PCGF3: variants seen among roughly 807,000 people sequenced by gnomAD.
PCGF3 encodes polycomb group RING finger protein 3.
PCGF3 carries 7 observed loss-of-function variants against 33.1 expected under a neutral mutation model. The ratio of observed to expected loss-of-function variants is 0.21; its 90% CI spans 0.12 to 0.40. The LOEUF (loss-of-function observed/expected upper bound fraction) is 0.40, where lower values mean the gene tolerates loss of function less well. Ranked by LOEUF, PCGF3 falls within the 10% of genes least tolerant of loss-of-function variation. The pLI, the probability that PCGF3 is intolerant of heterozygous loss-of-function variation, is 1.00. For synonymous variants in PCGF3, 153 were observed against 121.3 expected (o/e 1.26, Z -1.72); for missense variants, 211 against 313.3 (o/e 0.67, Z 2.46).
intron 8 of PCGF3, among the ~76,000 whole-genome samples, chr4:758,760 G>C (rs1256828205): frequency 8.5e-5 from 1 of 11,802 alleles, no homozygotes; most frequent in African/African-American, 2.1e-4. Context: ...AGCTCTTCTT[G>C]CTCCGGACTC....
In PCGF3 at chr4:720,855, C is replaced by T. The variant is rs888860032; in HGVS notation, c.-189-9775C>T. Among the ~76,000 whole-genome samples, 1 of 152,178 alleles carries T rather than the reference C, an allele frequency of 6.6e-6. No homozygotes were observed. Among genetic ancestry groups the T allele is most frequent in the Admixed American group, 6.5e-5 (1 of 15,278 alleles). ...TCAGGAGGACATGTCAGACTTCTGT[C>T]TCTAAGATACTGCTCAGACTTGTGT... is the stretch of plus-strand genomic sequence containing the variant. On this transcript the variant is annotated intron_variant, in intron 1 of 10. Transcript: ENST00000362003. The surrounding 1 kb of genome is among the most constrained non-coding windows in gnomAD (Gnocchi z 5.6).
intron 8 of PCGF3, among the ~76,000 whole-genome samples, chr4:747,871 C>T (rs1043355946): frequency 4.7e-5 from 5 of 105,650 alleles, no homozygotes; most frequent in Non-Finnish European, 1.0e-4. Context: ...CTCCCGACTT[C>T]TTCCTTTTTC....
intron 1 of PCGF3, among the ~76,000 whole-genome samples, chr4:717,440 C>G (rs948513287): frequency 6.6e-6 from 1 of 152,080 alleles, no homozygotes; most frequent in Non-Finnish European, 1.5e-5. Flanking sequence ...AGTGCAGTGG[C>G]AGGGTCTCGG....
chr4:761,985 G>T, intron 9 of PCGF3: 15 of 985,394 alleles, frequency 1.5e-5, no homozygotes, highest in Non-Finnish European at 1.8e-5. Flanking sequence ...AATCGCTCAG[G>T]CTGTGCAGAA....
At chr4:769,490 A>C (rs1187733879) in exon 11 of PCGF3, 4 of 152,724 alleles carry the variant, frequency 2.6e-5, no homozygotes, top group Admixed American at 1.3e-4. Flanking sequence ...TGACCTTAAC[A>C]TGATCAATGT....
exon 11 of PCGF3, chr4:766,389 C>T (rs955443769): frequency 7.5e-6 from 2 of 267,878 alleles, no homozygotes; most frequent in Non-Finnish European, 1.4e-5. Flanking sequence ...CACGAGCTCC[C>T]TCTGCTTGCT....
intron 6 of PCGF3, among the ~76,000 whole-genome samples, chr4:741,827 A>G (rs543035116): frequency 3.9e-5 from 6 of 152,260 alleles, no homozygotes; most frequent in Non-Finnish European, 7.4e-5. Flanking sequence ...CAGGGTCTGA[A>G]GCTGAGTTGC....
intron 4 of PCGF3, chr4:734,686 C>T: frequency 7.6e-7 from 1 of 1,313,628 alleles, no homozygotes. Flanking sequence ...AAGTTTTTTT[C>T]CCACTTAATT....
intron 7 of PCGF3, 46 bp downstream of exon 7, chr4:743,630 A>T: frequency 8.9e-7 from 1 of 1,122,728 alleles, no homozygotes; most frequent in Non-Finnish European, 1.4e-6. Flanking sequence ...AATCCCCTGC[A>T]TGAGGCCTTT....
chr4:752,425 C>G (rs558772398), intron 8 of PCGF3, among the ~76,000 whole-genome samples: 1 of 152,360 alleles, frequency 6.6e-6, no homozygotes, highest in Admixed American at 6.5e-5. Flanking sequence ...TTTCTGGAGC[C>G]TGACTTCTTT....
chr4:724,604 A>T (rs1178616191), intron 1 of PCGF3, among the ~76,000 whole-genome samples: 1 of 152,224 alleles, frequency 6.6e-6, no homozygotes, highest in Non-Finnish European at 1.5e-5. Context: ...AGGTGGGCAG[A>T]TCCTGAGGTC....
At chr4:710,813 A>G (rs13136122) in intron 1 of PCGF3, among the ~76,000 whole-genome samples, 35,394 of 152,142 alleles carry the variant, frequency 0.23, 4,295 homozygotes, top group Middle Eastern at 0.31. Flanking sequence ...CTTCAAGTGC[A>G]AGGATTTTTG....
At chr4:768,835 A>G (rs1330008229) in exon 11 of PCGF3, 2 of 152,632 alleles carry the variant, frequency 1.3e-5, no homozygotes, top group African/African-American at 2.4e-5. Context: ...TTTTACTTTG[A>G]GTAGCTTTTA....
At chr4:754,223 C>A (rs773591502) in intron 8 of PCGF3, among the ~76,000 whole-genome samples, 2 of 152,226 alleles carry the variant, frequency 1.3e-5, no homozygotes, top group Non-Finnish European at 2.9e-5. Flanking sequence ...TCCCTGCCGC[C>A]CTCCAGAGGC....
At chr4:705,883 G>A (rs893577456) in exon 1 of PCGF3, 3 of 152,008 alleles carry the variant, frequency 2.0e-5, no homozygotes, top group South Asian at 2.1e-4. Flanking sequence ...TCCTCCTCTT[G>A]GGGGGGACCC....
At chr4:734,140 C>T in intron 4 of PCGF3, 1 of 1,550,566 alleles carries the variant, frequency 6.4e-7, no homozygotes, top group South Asian at 1.2e-5. Context: ...GGGGAACCTT[C>T]CAGTGTGTTC....
Position 761,832 on chromosome 4 carries a change from A to G in PCGF3, c.600+416A>G, listed in dbSNP as rs563415463. On this transcript the variant is annotated intron_variant, in intron 9 of 10. Transcript: ENST00000362003. ...AGGCGGCCTTGGCAGCGGGCGCACC[A>G]TGAACATGCCAGTGTGGGTCCCTGT... The G allele has an allele frequency of 8.1e-6, 8 of 985,440 alleles. No individual in the cohort carries two copies. In the African/African-American group the frequency reaches 8.7e-5, roughly 11 times the overall value. 61.0% of individuals were successfully genotyped at this position (985,440 alleles called of 1,614,324 possible).
In PCGF3 at chr4:733,658, G is replaced by A. The variant is rs761809879; in HGVS notation, c.-9-14G>A. The A allele has an allele frequency of 6.3e-6, 10 of 1,592,884 alleles. 1 individual carries two copies. The highest frequency in any genetic ancestry group is 5.5e-5 in the South Asian group (5 of 90,168). On this transcript the variant is annotated splice_polypyrimidine_tract_variant and intron_variant, in intron 3 of 10. Transcript: ENST00000362003. ...AGAGTTTCAGGTGTTAATTAATCGCGTTTTCTCTTGTAGAAGCCAAAGATG... is the reference window on the plus strand; with the variant it reads ...AGAGTTTCAGGTGTTAATTAATCGCATTTTCTCTTGTAGAAGCCAAAGATG...
At chr4:742,194 GCCCAGGCTCTCAGGGTCCCCTCCTCTCTC>G (rs1744125080) in intron 6 of PCGF3, among the ~76,000 whole-genome samples, 1 of 134,914 alleles carries the variant, frequency 7.4e-6, no homozygotes, top group African/African-American at 2.9e-5. Flanking sequence ...TCCTCTCTCT[GCCCAGGCTCTCAGGGTCCCCTCCTCTCTC>G]CCCAGGCTCT....
Sources: gnomAD v4.1 joint callset for allele counts (sites outside exome capture counted in the v4.1 genomes callset) on GRCh38, gnomAD v4.1.1 for gene constraint, Gnocchi (gnomAD v3.1) non-coding constraint, MANE v1.5 for transcripts, NCBI Gene and HGNC (gene_info 2026-07-23, HGNC 2026-07-21) for gene names.